The following FOXP4 variants were observed in gnomAD, a reference collection of about 807,000 sequenced individuals.
FOXP4 encodes the protein forkhead box protein P4.
FOXP4 carries 25 observed loss-of-function variants against 82.6 expected under a neutral mutation model. The ratio of observed to expected loss-of-function variants is 0.30; its 90% CI spans 0.22 to 0.42. The LOEUF (loss-of-function observed/expected upper bound fraction) is 0.42. Among genes scored for constraint, FOXP4 ranks in the 10% least tolerant of loss-of-function variants. FOXP4 has a pLI of 1.00. For synonymous variants in FOXP4, 415 were observed against 388.2 expected (o/e 1.07, Z -0.81); for missense variants, 785 against 900.9 (o/e 0.87, Z 1.65).
chr6:41,595,539 C>G (rs1766781418), intron 14 of FOXP4, among the ~76,000 whole-genome samples: 1 of 152,224 alleles, frequency 6.6e-6, no homozygotes, highest in African/African-American at 2.4e-5. Context: ...CTCAGCTTCA[C>G]TTCACCACCT....
chr6:41,588,477 G>C (rs960134553), intron 8 of FOXP4, among the ~76,000 whole-genome samples, 167 bp from the exon 9 acceptor site: 3 of 152,250 alleles, frequency 2.0e-5, no homozygotes, highest in Non-Finnish European at 4.4e-5. Context: ...CTGACGAGAA[G>C]GGAGAAGCCT....
At chr6:41,548,844 T>A (rs1162498905) in intron 1 of FOXP4, among the ~76,000 whole-genome samples, 1 of 126,348 alleles carries the variant, frequency 7.9e-6, no homozygotes, top group African/African-American at 3.1e-5. Context: ...TTTTTTTTTT[T>A]TCAACTTGAG....
At chr6:41,570,462 ATC>A in intron 2 of FOXP4, 1 of 460,136 alleles carries the variant, frequency 2.2e-6, no homozygotes, top group Non-Finnish European at 4.5e-6. Flanking sequence ...GGCCTTAACC[ATC>A]CCCCTTGTTG....
intron 2 of FOXP4, among the ~76,000 whole-genome samples, chr6:41,566,434 C>T (rs1764886003): frequency 6.6e-6 from 1 of 152,222 alleles, no homozygotes; most frequent in Admixed American, 6.5e-5. Context: ...CCTCCATTTC[C>T]AGCAGTGAAG....
At chr6:41,561,137 G>A (rs1031312619) in intron 1 of FOXP4, among the ~76,000 whole-genome samples, 1 of 152,184 alleles carries the variant, frequency 6.6e-6, no homozygotes. Flanking sequence ...AGGCAGCCGC[G>A]GCTTTGACCC....
At chr6:41,583,327 GT>G (rs144124320) in intron 3 of FOXP4, among the ~76,000 whole-genome samples, 3,707 of 152,290 alleles carry the variant, frequency 0.024, 62 homozygotes, top group Non-Finnish European at 0.036. Flanking sequence ...GGCTTAAGGG[GT>G]GGTTCAAGGC....
At position 41,587,453 on chromosome 6, in the gene FOXP4, C is replaced by G. The variant is rs144343674; in HGVS notation, c.813C>G (p.Pro271=). ...CCGCTCCCCCCAAGGTCTCACCCCC[C>G]CTCTCCCACCATACCCTGCCCAACG... The part of the protein sequence containing the change: ...SFAAPPKVSP[P]LSHHTLPNGQ... The change falls in exon 7 of 17, where the codon CCC becomes CCG. Residue 271 remains proline (P), a synonymous_variant. Transcript: ENST00000307972. 5.5e-5 allele frequency: 86 copies of G among 1,556,686 alleles called. No individual in the cohort carries two copies. Among genetic ancestry groups the G allele is most frequent in the Non-Finnish European group, 6.0e-5 (69 of 1,151,086 alleles).
chr6:41,562,549 TTC>T (rs1764645667), intron 1 of FOXP4, among the ~76,000 whole-genome samples: 1 of 152,162 alleles, frequency 6.6e-6, no homozygotes. Flanking sequence ...CCTTCCTTCT[TTC>T]TCTTTTTCCA....
chr6:41,580,868 G>A (rs1016818907), intron 3 of FOXP4, among the ~76,000 whole-genome samples: 5 of 152,178 alleles, frequency 3.3e-5, no homozygotes, highest in South Asian at 4.1e-4. Context: ...TTCTGCCCAC[G>A]CACCTCCCAG....
At chr6:41,595,908 AT>A (rs1433100621) in intron 14 of FOXP4, among the ~76,000 whole-genome samples, 8 of 140,178 alleles carry the variant, frequency 5.7e-5, no homozygotes, top group Non-Finnish European at 1.1e-4. Context: ...CTGGCCTATT[AT>A]TTTTTTGAGA....
intron 14 of FOXP4, among the ~76,000 whole-genome samples, chr6:41,595,231 G>T (rs904009289): frequency 6.6e-6 from 1 of 152,238 alleles, no homozygotes; most frequent in Non-Finnish European, 1.5e-5. Flanking sequence ...CTGACTGAGG[G>T]AAGGGGCCAA....
intron 1 of FOXP4, among the ~76,000 whole-genome samples, chr6:41,549,110 C>T (rs1763849383): frequency 6.6e-6 from 1 of 151,936 alleles, no homozygotes; most frequent in Non-Finnish European, 1.5e-5. Context: ...ATCTCTCCTG[C>T]GGGACGGGAC....
Position 41,556,655 on chromosome 6 carries a change from A to G in FOXP4, c.-16-9090A>G, listed in dbSNP as rs1051339083. On this transcript the variant is annotated intron_variant, in intron 1 of 16. Coordinates refer to ENST00000307972, the MANE Select transcript of FOXP4 (RefSeq NM_001012426.2). ...TGGTTTTTAACAATAAAATATATTC[A>G]CAAATTGTGTGCCGAGGCCTTGCTG... 5.9e-5 allele frequency among the ~76,000 whole-genome samples: 9 copies of G among 152,260 alleles called. No individual in the cohort carries two copies. In the East Asian group the frequency reaches 7.7e-4, roughly 13 times the overall value.
chr6:41,566,240 A>G (rs769513645), intron 2 of FOXP4, among the ~76,000 whole-genome samples: 10 of 152,162 alleles, frequency 6.6e-5, no homozygotes, highest in Non-Finnish European at 1.0e-4. Flanking sequence ...ATAAGAAGAG[A>G]CAGACACACA....
At chr6:41,572,120 G>A (rs1765231401) in intron 2 of FOXP4, among the ~76,000 whole-genome samples, 1 of 152,072 alleles carries the variant, frequency 6.6e-6, no homozygotes, top group African/African-American at 2.4e-5. Flanking sequence ...CACACCTCTG[G>A]GACTTCTTCT....
chr6:41,559,305 T>C (rs144539430), intron 1 of FOXP4, among the ~76,000 whole-genome samples: 1 of 152,368 alleles, frequency 6.6e-6, no homozygotes, highest in East Asian at 1.9e-4. Context: ...GCCTGTGTCC[T>C]GCTCTGCTGG....
At chr6:41,597,401 TCGGGG>T (rs1420275713) in intron 15 of FOXP4, among the ~76,000 whole-genome samples, 159 bp downstream of exon 15, 1 of 151,938 alleles carries the variant, frequency 6.6e-6, no homozygotes, top group Non-Finnish European at 1.5e-5. Flanking sequence ...CCACCCCAAC[TCGGGG>T]CCAGCCTCCA....
chr6:41,580,044 CT>C lies in FOXP4; in HGVS notation c.300+1981del, dbSNP rs10644693. Among the ~76,000 whole-genome samples the C allele has an allele frequency of 4.1e-3, 545 of 131,882 alleles. 6 individuals carry two copies. Among genetic ancestry groups the C allele is most frequent in the Middle Eastern group, 7.4e-3 (2 of 270 alleles). 86.5% of individuals were successfully genotyped at this position (131,882 alleles called of 152,430 possible). On this transcript the variant is annotated intron_variant, in intron 3 of 16. Coordinates refer to ENST00000307972, the MANE Select transcript of FOXP4 (RefSeq NM_001012426.2). ...GAACCCAATAGCTCCAGAACTCACA[CT>C]TTTTTTTTTTTTTTTTTGAGATGGA... is the stretch of plus-strand genomic sequence containing the variant.
At position 41,570,507 on chromosome 6, in the gene FOXP4, G is replaced by A. The variant is rs1046015645; in HGVS notation, c.204+4543G>A. On this transcript the variant is annotated intron_variant, in intron 2 of 16. Transcript: ENST00000307972. The stretch of plus-strand genomic sequence containing the variant: ...CCCAGGTCCCTGAGAGCCAAAGACC[G>A]CCCTGTTTCCTATGTTGGAAAATTC... 115 of 398,060 alleles carry A rather than the reference G, an allele frequency of 2.9e-4. 1 individual carries two copies. The highest frequency in any genetic ancestry group is 5.5e-4 in the Non-Finnish European group (105 of 189,738). 24.7% of individuals were successfully genotyped at this position (398,060 alleles called of 1,614,324 possible).
Sources: allele counts gnomAD v4.1 joint callset (sites outside exome capture counted in the v4.1 genomes callset), GRCh38; gene constraint gnomAD v4.1.1; transcripts MANE v1.5; gene names NCBI Gene and HGNC (gene_info 2026-07-23, HGNC 2026-07-21).